The following PALM2AKAP2 variants were observed in gnomAD, a reference collection of about 807,000 sequenced individuals.
The protein encoded by PALM2AKAP2 is PALM2 and AKAP2 fusion.
In PALM2AKAP2, 37 loss-of-function variants were observed where a neutral mutation model predicts 71.5. The observed-to-expected ratio is 0.52, with a 90% confidence interval of 0.40 to 0.68. PALM2AKAP2 has a LOEUF of 0.68. Ranked by LOEUF, PALM2AKAP2 falls within the 30% of genes least tolerant of loss-of-function variation. PALM2AKAP2 has a pLI of 0.00. For missense variants in PALM2AKAP2, 1,224 were observed against 1,191.8 expected (o/e 1.03, Z -0.40); for synonymous variants, 468 against 478.8 (o/e 0.98, Z 0.29).
chr9:110,018,813 T>C (rs1046477631), intron 7 of PALM2AKAP2, among the ~76,000 whole-genome samples: 7 of 152,196 alleles, frequency 4.6e-5, no homozygotes, highest in Middle Eastern at 3.2e-3. Context: ...TCATTGACTT[T>C]TTTCCTTTGG....
intron 1 of PALM2AKAP2, among the ~76,000 whole-genome samples, chr9:109,817,121 T>C (rs1403664136): frequency 6.6e-6 from 1 of 152,252 alleles, no homozygotes; most frequent in Non-Finnish European, 1.5e-5. Flanking sequence ...ATTATAAAGC[T>C]TCTTTAATCA....
In PALM2AKAP2 at chr9:109,702,508, C is replaced by T. The variant is rs967966884; in HGVS notation, c.5+61642C>T. ...ATTGCAAGGACAAAAAACCAAACAC[C>T]ACATGTTCTCACTCATAGGTGGGAA... On this transcript the variant is annotated intron_variant, in intron 1 of 6. Transcript: ENST00000374531. Among the ~76,000 whole-genome samples the T allele has an allele frequency of 7.5e-4, 113 of 151,298 alleles. 1 individual carries two copies. The highest frequency in any genetic ancestry group is 1.4e-3 in the Non-Finnish European group (93 of 67,888).
chr9:109,962,874 C>T (rs1297795526), intron 6 of PALM2AKAP2, among the ~76,000 whole-genome samples: 2 of 152,160 alleles, frequency 1.3e-5, no homozygotes, highest in Non-Finnish European at 2.9e-5. Flanking sequence ...AAACTCCTGA[C>T]CTCAGGTGAT....
At chr9:110,157,937 T>G (rs1003526626) in intron 3 of PALM2AKAP2, among the ~76,000 whole-genome samples, 3 of 152,238 alleles carry the variant, frequency 2.0e-5, no homozygotes, top group African/African-American at 7.2e-5. Context: ...GGCTTCTCAC[T>G]TGGCATCTCC....
intron 1 of PALM2AKAP2, among the ~76,000 whole-genome samples, chr9:109,699,068 G>A (rs1828014823): frequency 6.6e-6 from 1 of 152,160 alleles, no homozygotes; most frequent in African/African-American, 2.4e-5. Context: ...CAGCACATAG[G>A]ACATTTTTAT....
chr9:109,650,750 C>T (rs928930251), intron 1 of PALM2AKAP2, among the ~76,000 whole-genome samples: 3 of 152,106 alleles, frequency 2.0e-5, no homozygotes, highest in Non-Finnish European at 2.9e-5. Context: ...ATTTTCCTTC[C>T]AATTTTTCCT....
chr9:110,039,302 A>C (rs1402552084), intron 7 of PALM2AKAP2, among the ~76,000 whole-genome samples: 1 of 152,206 alleles, frequency 6.6e-6, no homozygotes, highest in Non-Finnish European at 1.5e-5. Context: ...TATCCTCTTA[A>C]AGTGTTCATT....
intron 1 of PALM2AKAP2, among the ~76,000 whole-genome samples, chr9:109,696,704 C>T (rs1259346030): frequency 6.6e-6 from 1 of 152,124 alleles, no homozygotes; most frequent in South Asian, 2.1e-4. Flanking sequence ...CCTGCATCCC[C>T]TTCCCTGGGC....
chr9:110,090,683 C>T (rs1361967731), intron 1 of PALM2AKAP2, among the ~76,000 whole-genome samples: 1 of 152,166 alleles, frequency 6.6e-6, no homozygotes, highest in Admixed American at 6.5e-5. Context: ...TATAAAAATG[C>T]TGATCTGCTT....
At chr9:109,798,121 T>C (rs1827316035) in intron 1 of PALM2AKAP2, among the ~76,000 whole-genome samples, 1 of 152,326 alleles carries the variant, frequency 6.6e-6, no homozygotes, top group Non-Finnish European at 1.5e-5. Flanking sequence ...CTTCTCCCTA[T>C]GTCTCTTCAC....
Position 109,988,230 on chromosome 9 carries a change from A to G in PALM2AKAP2, c.497-27724A>G, listed in dbSNP as rs1394802436. On this transcript the variant is annotated intron_variant, in intron 6 of 9. Coordinates refer to the PALM2AKAP2 transcript ENST00000302798. ...TGAAGGGTCCTTGTATAATGAAAAT[A>G]TTATTGTAATTTATGTTTCTTCAGT... is the stretch of plus-strand genomic sequence containing the variant. 2.0e-5 allele frequency among the ~76,000 whole-genome samples: 3 copies of G among 152,232 alleles called. No homozygotes were observed. In the East Asian group the frequency reaches 5.8e-4, roughly 29 times the overall value.
chr9:109,720,760 A>C (rs1431647643), intron 1 of PALM2AKAP2, among the ~76,000 whole-genome samples: 1 of 152,250 alleles, frequency 6.6e-6, no homozygotes, highest in Non-Finnish European at 1.5e-5. Context: ...ACACAAATGC[A>C]GGCAAAGGAA....
intron 1 of PALM2AKAP2, among the ~76,000 whole-genome samples, chr9:110,100,051 C>CTATATATATATATATATATA (rs71373968): frequency 7.7e-4 from 84 of 109,466 alleles, no homozygotes; most frequent in South Asian, 1.5e-3. Flanking sequence ...GTATGTGTGT[C>CTATATATATATATATATATA]TATATATATA....
chr9:109,673,969 T>C (rs922565646), intron 1 of PALM2AKAP2, among the ~76,000 whole-genome samples: 1 of 152,108 alleles, frequency 6.6e-6, no homozygotes, highest in African/African-American at 2.4e-5. Context: ...TCTCCATACC[T>C]TTATTTTGAG....
intron 6 of PALM2AKAP2, among the ~76,000 whole-genome samples, chr9:109,964,379 A>G (rs978153710): frequency 6.6e-6 from 1 of 152,220 alleles, no homozygotes; most frequent in Non-Finnish European, 1.5e-5. Context: ...TACTGCAGGC[A>G]GAGGCAGAGG....
At chr9:109,923,124 A>G (rs1310186357) in intron 3 of PALM2AKAP2, among the ~76,000 whole-genome samples, 3 of 152,118 alleles carry the variant, frequency 2.0e-5, no homozygotes, top group Admixed American at 6.5e-5. Context: ...CAGTGCTGAA[A>G]TTTCCCTTTT....
intron 1 of PALM2AKAP2, among the ~76,000 whole-genome samples, chr9:109,679,189 A>C (rs1587864613): frequency 6.6e-6 from 1 of 152,340 alleles, no homozygotes; most frequent in East Asian, 1.9e-4. Context: ...ACACCAACTT[A>C]AATGAAAGTG....
chr9:110,016,100 G>T, intron 7 of PALM2AKAP2, 61 bp downstream of exon 7: 1 of 1,538,166 alleles, frequency 6.5e-7, no homozygotes, highest in Non-Finnish European at 8.9e-7. Context: ...GCAGCCGATG[G>T]CAGGTTTTTC....
rs66989853 is a variant in PALM2AKAP2, at chr9:109,803,103, GA to G, written c.45+22579del. On this transcript the variant is annotated intron_variant, in intron 1 of 9. Transcript: ENST00000302798. ...TTATTTCCAAGAACAGGTTTTTGGGGAAAAAAAAAGAAACACTAACACATTA... is the reference window on the plus strand; with the variant it reads ...TTATTTCCAAGAACAGGTTTTTGGGGAAAAAAAAGAAACACTAACACATTA... Among the ~76,000 whole-genome samples the G allele has an allele frequency of 6.0e-5, 9 of 150,584 alleles. No individual in the cohort carries two copies. In the South Asian group the frequency reaches 8.4e-4, roughly 14 times the overall value.
Sources: gnomAD v4.1 joint callset for allele counts (sites outside exome capture counted in the v4.1 genomes callset) on GRCh38, gnomAD v4.1.1 for gene constraint, MANE v1.5 for transcripts, NCBI Gene and HGNC (gene_info 2026-07-23, HGNC 2026-07-21) for gene names.